Variants in FBXL7 observed in about 807,000 individuals in gnomAD.
The protein encoded by FBXL7 is F-box and leucine rich repeat protein 7, also known as F-box/LRR-repeat protein 7.
A neutral mutation model predicts 38.3 loss-of-function variants in FBXL7; 12 were observed. That is an observed-to-expected ratio of 0.31 (90% CI 0.20 to 0.51). The LOEUF is 0.51. Among genes scored for constraint, FBXL7 ranks in the 20% least tolerant of loss-of-function variants. The pLI is 0.98. For synonymous variants in FBXL7, 297 were observed against 300.9 expected, an observed-to-expected ratio of 0.99 and a Z score of 0.13; for missense variants, 567 against 676.4, an observed-to-expected ratio of 0.84 and a Z score of 1.79.
At chr5:15,731,970 C>G (rs998401812) in intron 2 of FBXL7, among the ~76,000 whole-genome samples, 4 of 152,124 alleles carry the variant, frequency 2.6e-5, no homozygotes, top group Admixed American at 6.5e-5. Context: ...TATCTCTGTC[C>G]AGTGCGTATC....
intron 1 of FBXL7, among the ~76,000 whole-genome samples, chr5:15,558,254 A>G (rs1354155933): frequency 6.6e-6 from 1 of 152,238 alleles, no homozygotes; most frequent in East Asian, 1.9e-4. Context: ...AGCACCATGC[A>G]CGGTTTGCAG....
chr5:15,927,764 T>TAAAAAAAAA lies in FBXL7; in HGVS notation c.128-111_128-103dup, dbSNP rs753935096. On this transcript the variant is annotated intron_variant, in intron 2 of 3. Transcript: ENST00000504595. ...CACTCCCGCCTGGGCGACAAGATCT[T>TAAAAAAAAA]AAAAAAAAAAAAAAAAAAAAAAAGA... The TAAAAAAAAA allele has an allele frequency of 2.8e-3, 1,290 of 454,982 alleles. 20 individuals carry two copies. The highest frequency in any genetic ancestry group is 8.8e-3 in the African/African-American group (241 of 27,334). The allele number at this position is 454,982 out of a possible 1,614,324, so 28.2% of individuals were successfully genotyped here.
chr5:15,634,343 A>G (rs754734937), intron 2 of FBXL7, among the ~76,000 whole-genome samples: 72 of 136,030 alleles, frequency 5.3e-4, no homozygotes, highest in Non-Finnish European at 8.5e-4. Flanking sequence ...TTTTTAAAAG[A>G]CAGAGTCTCG....
chr5:15,630,091 G>A (rs12517741), intron 2 of FBXL7, among the ~76,000 whole-genome samples: 69,437 of 151,796 alleles, frequency 0.46, 16,521 homozygotes, highest in African/African-American at 0.59. Flanking sequence ...TACATTTTCA[G>A]CATTTTAAAA....
At chr5:15,700,827 T>C (rs768529577) in intron 2 of FBXL7, among the ~76,000 whole-genome samples, 1 of 152,228 alleles carries the variant, frequency 6.6e-6, no homozygotes, top group Non-Finnish European at 1.5e-5. Context: ...ACAGTATCAT[T>C]GTTACTGATC....
chr5:15,928,109 G>A lies in FBXL7; in HGVS notation c.347G>A (p.Arg116Gln), dbSNP rs375773578. 6 of 1,610,078 alleles carry A rather than the reference G, an allele frequency of 3.7e-6. No homozygotes were observed. Among genetic ancestry groups the A allele is most frequent in the African/African-American group, 2.7e-5 (2 of 74,134 alleles). The part of the protein sequence containing the change: ...RPQKEQASID[R>Q]LPDHSMVQIF... ...CAGAAGGAGCAGGCCAGCATAGACC[G>A]GCTCCCGGACCACTCCATGGTGCAG... The change falls in exon 3 of 4, where the codon CGG (arginine) becomes CAG (glutamine). Residue 116 changes from arginine to glutamine, a missense_variant. By Grantham distance (43) the Arg-to-Gln change is conservative. Transcript: ENST00000504595. This position sits in a 1 kb window ranked among gnomAD's most constrained non-coding sequence, Gnocchi z 4.0.
intron 1 of FBXL7, among the ~76,000 whole-genome samples, chr5:15,572,090 A>G (rs192305942): frequency 2.2e-4 from 34 of 152,278 alleles, no homozygotes; most frequent in African/African-American, 7.5e-4. Flanking sequence ...AAATGTCTGT[A>G]AGTCACCAGG....
intron 2 of FBXL7, among the ~76,000 whole-genome samples, chr5:15,633,038 G>A (rs1580421856): frequency 6.6e-6 from 1 of 152,272 alleles, no homozygotes; most frequent in East Asian, 1.9e-4. Flanking sequence ...AAAGAACAAT[G>A]TTTAATGATG....
At chr5:15,511,655 A>T (rs775619530) in intron 1 of FBXL7, among the ~76,000 whole-genome samples, 4 of 152,238 alleles carry the variant, frequency 2.6e-5, no homozygotes, top group Non-Finnish European at 5.9e-5. Flanking sequence ...TTTGTAAATT[A>T]TAAGGCATTT....
At chr5:15,924,328 T>C (rs1741823421) in intron 2 of FBXL7, among the ~76,000 whole-genome samples, 2 of 152,350 alleles carry the variant, frequency 1.3e-5, no homozygotes, top group South Asian at 4.1e-4. Context: ...TTCAAGATGT[T>C]TGTTGTGCAC....
intron 1 of FBXL7, among the ~76,000 whole-genome samples, chr5:15,543,756 C>T (rs1468827706): frequency 6.6e-6 from 1 of 152,170 alleles, no homozygotes; most frequent in Non-Finnish European, 1.5e-5. Context: ...CGGGTAGCAA[C>T]AGTTGTTGGG....
chr5:15,679,259 C>T (rs1742759838), intron 2 of FBXL7, among the ~76,000 whole-genome samples: 1 of 152,154 alleles, frequency 6.6e-6, no homozygotes, highest in African/African-American at 2.4e-5. Flanking sequence ...CAACAATCCT[C>T]CCTGAAAGAC....
intron 2 of FBXL7, among the ~76,000 whole-genome samples, chr5:15,903,445 T>G (rs1009225245): frequency 6.6e-6 from 1 of 152,216 alleles, no homozygotes; most frequent in Non-Finnish European, 1.5e-5. Context: ...TGAAAGTCTT[T>G]CTGACTAGCA....
At chr5:15,765,704 G>A (rs1387501837) in intron 2 of FBXL7, among the ~76,000 whole-genome samples, 4 of 152,122 alleles carry the variant, frequency 2.6e-5, no homozygotes, top group Non-Finnish European at 5.9e-5. Flanking sequence ...CAACAATAAT[G>A]CCCAGTTGTG....
At chr5:15,754,526 T>C (rs548457005) in intron 2 of FBXL7, among the ~76,000 whole-genome samples, 17 of 152,262 alleles carry the variant, frequency 1.1e-4, no homozygotes, top group East Asian at 3.9e-4. Flanking sequence ...TATGTACATA[T>C]TGGATACGGG....
chr5:15,729,057 T>C lies in FBXL7; in HGVS notation c.127+112985T>C, dbSNP rs1434456782. Among the ~76,000 whole-genome samples, 2 of 152,140 alleles carry C rather than the reference T, an allele frequency of 1.3e-5. 1 individual carries two copies. Among genetic ancestry groups the C allele is most frequent in the South Asian group, 4.1e-4 (2 of 4,838 alleles). On this transcript the variant is annotated intron_variant, in intron 2 of 3. Coordinates refer to ENST00000504595, the MANE Select transcript of FBXL7 (RefSeq NM_012304.5). ...TAATGCATTTGTGGATCTAATTTAA[T>C]TAAATGAGAAAAGGAACTTCTACAC...
At chr5:15,630,570 T>C (rs1404587918) in intron 2 of FBXL7, among the ~76,000 whole-genome samples, 1 of 152,174 alleles carries the variant, frequency 6.6e-6, no homozygotes, top group African/African-American at 2.4e-5. Context: ...CTTTCCTTGT[T>C]TTATTTTACT....
chr5:15,634,247 G>A (rs980321583), intron 2 of FBXL7, among the ~76,000 whole-genome samples: 3 of 151,508 alleles, frequency 2.0e-5, no homozygotes, highest in Non-Finnish European at 4.4e-5. Flanking sequence ...GGGATGGGAG[G>A]AAAAGTTCTG....
At position 15,804,355 on chromosome 5, in the gene FBXL7, G is replaced by A. The variant is rs547387347; in HGVS notation, c.128-123535G>A. Among the ~76,000 whole-genome samples, 3 of 152,176 alleles carry A rather than the reference G, an allele frequency of 2.0e-5. No homozygotes were observed. In the East Asian group the frequency reaches 5.8e-4, roughly 29 times the overall value. On this transcript the variant is annotated intron_variant, in intron 2 of 3. Transcript: ENST00000504595. ...ATGGTGGCATACAACTATAGTCCCAGCTACTCCAGAGGCCGAGGTGGGAGG... is the reference window on the plus strand; with the variant it reads ...ATGGTGGCATACAACTATAGTCCCAACTACTCCAGAGGCCGAGGTGGGAGG...
Sources: gnomAD v4.1 joint callset for allele counts (sites outside exome capture counted in the v4.1 genomes callset) on GRCh38, gnomAD v4.1.1 for gene constraint, Gnocchi (gnomAD v3.1) non-coding constraint, MANE v1.5 for transcripts, NCBI Gene and HGNC (gene_info 2026-07-23, HGNC 2026-07-21) for gene names.